Variants in ORC2 observed in about 807,000 individuals in gnomAD.
The protein encoded by ORC2 is origin recognition complex subunit 2.
ORC2 carries 37 observed loss-of-function variants against 77.7 expected under a neutral mutation model. That is an observed-to-expected ratio of 0.48 (90% CI 0.37 to 0.63). The LOEUF (loss-of-function observed/expected upper bound fraction) is 0.63, where lower values mean the gene tolerates loss of function less well. Among genes scored for constraint, ORC2 ranks in the 20% least tolerant of loss-of-function variants. The pLI, the probability that ORC2 is intolerant of heterozygous loss-of-function variation, is 0.00. For synonymous variants in ORC2, 201 were observed against 229.5 expected, an observed-to-expected ratio of 0.88 and a Z score of 1.12; for missense variants, 557 against 661.9, an observed-to-expected ratio of 0.84 and a Z score of 1.74.
At chr2:200,950,260 GGCAGAGGTTGCGGTGA>G (rs2041327823) in intron 4 of ORC2, among the ~76,000 whole-genome samples, 1 of 152,162 alleles carries the variant, frequency 6.6e-6, no homozygotes, top group Non-Finnish European at 1.5e-5. Context: ...GAACCTGGGA[GGCAGAGGTTGCGGTGA>G]GCAGAGATTG....
In ORC2 at chr2:200,941,254, T is replaced by C. The variant is rs770091143; in HGVS notation, c.447A>G (p.Gln149=). 39 of 1,610,484 alleles carry C rather than the reference T, an allele frequency of 2.4e-5. No homozygotes were observed. Among genetic ancestry groups the C allele is most frequent in the Non-Finnish European group, 3.0e-5 (35 of 1,177,504 alleles). The part of the protein sequence containing the change: ...SKGHSASDKV[Q]PKNNDKSEFL... ...TTTTTAGTCAATTGCTTACCTTCGG[T>C]TGAACCTTGTCTGAAGCAGAATGGC... The change falls in exon 7 of 18, where the codon CAA becomes CAG. Residue 149 remains glutamine (Q), a synonymous_variant. Transcript: ENST00000234296.
At chr2:200,925,695 C>T (rs906527352) in intron 13 of ORC2, 141 bp downstream of exon 13, 12 of 305,690 alleles carry the variant, frequency 3.9e-5, no homozygotes, top group Admixed American at 8.4e-5. Context: ...GCCATGATCG[C>T]ACCACTGCAC....
At chr2:200,919,217 A>G (rs1016822982) in intron 15 of ORC2, among the ~76,000 whole-genome samples, 4 of 152,158 alleles carry the variant, frequency 2.6e-5, no homozygotes, top group Non-Finnish European at 5.9e-5. Flanking sequence ...CTTTTCATCT[A>G]TCCAGCTCTT....
rs2041315694 is a variant in ORC2 at position 200,949,651 on chromosome 2, A to G, written c.239-8T>C. On this transcript the variant is annotated splice_region_variant and splice_polypyrimidine_tract_variant and intron_variant, in intron 4 of 17. Coordinates refer to ENST00000234296, the MANE Select transcript of ORC2 (RefSeq NM_006190.5). ...AGCCATTTTTCAATGATTCTGAAAG[A>G]AAAAAATGCAATATACATTTAGGAA... 4 of 1,493,328 alleles carry G rather than the reference A, an allele frequency of 2.7e-6. No individual in the cohort carries two copies. The South Asian group carries it at 3.5e-5, about 13-fold the overall frequency. 92.5% of individuals were successfully genotyped at this position (1,493,328 alleles called of 1,614,324 possible). A position where few individuals can be genotyped will look rare whatever the true frequency, so the allele number is the denominator to read the frequency against.
intron 12 of ORC2, 123 bp downstream of exon 12, chr2:200,926,645 C>T: frequency 4.7e-6 from 4 of 849,980 alleles, no homozygotes; most frequent in Non-Finnish European, 7.5e-6. Flanking sequence ...GTATTAAGCA[C>T]TATACAATCC....
intron 6 of ORC2, 140 bp from the exon 7 acceptor site, chr2:200,941,419 A>G: frequency 1.8e-6 from 1 of 568,304 alleles, no homozygotes; most frequent in Non-Finnish European, 3.1e-6. Flanking sequence ...AGGCAGGAAG[A>G]TTGCTTGAGG....
intron 5 of ORC2, among the ~76,000 whole-genome samples, chr2:200,944,603 T>C (rs2041218413): frequency 6.6e-6 from 1 of 152,192 alleles, no homozygotes; most frequent in East Asian, 1.9e-4. Flanking sequence ...TACACTGGCG[T>C]GATCATGGCT....
rs774328699 is a variant in ORC2, at chr2:200,921,027, A to G, written c.1260T>C (p.Leu420=). Residue 420 remains leucine (L), a synonymous_variant, in exon 14 of 18, where the codon CTT becomes CTC. Coordinates refer to ENST00000234296, the MANE Select transcript of ORC2 (RefSeq NM_006190.5). The part of the protein sequence containing the change: ...GQLSSLHNIY[L]IASIDHLNAP... The stretch of plus-strand genomic sequence containing the variant: ...CATTGAGGTGGTCAATGGATGCTAT[A>G]AGGTAAATGTTATGCAAAGATGACA... The G allele has an allele frequency of 6.2e-7, 1 of 1,603,448 alleles. No individual in the cohort carries two copies. The highest frequency in any genetic ancestry group is 2.3e-5 in the East Asian group (1 of 44,378).
chr2:200,927,801 G>A (rs1422162056), intron 11 of ORC2, among the ~76,000 whole-genome samples: 3 of 150,382 alleles, frequency 2.0e-5, no homozygotes, highest in African/African-American at 7.3e-5. Context: ...GGGTTCAAGC[G>A]ATTCTCCTGC....
intron 13 of ORC2, among the ~76,000 whole-genome samples, chr2:200,924,132 AG>A (rs1290426270): frequency 6.6e-6 from 1 of 152,092 alleles, no homozygotes; most frequent in African/African-American, 2.4e-5. Flanking sequence ...GTATCCCTTG[AG>A]GCCTAGGAGT....
chr2:200,925,282 G>A (rs1368447594), intron 13 of ORC2, among the ~76,000 whole-genome samples: 2 of 151,972 alleles, frequency 1.3e-5, no homozygotes, highest in African/African-American at 2.4e-5. Context: ...AGCCAAAATC[G>A]TGCCACTGCA....
At chr2:200,949,516 G>A (rs2041312558) in intron 5 of ORC2, 38 bp downstream of exon 5, 1 of 1,085,498 alleles carries the variant, frequency 9.2e-7, no homozygotes, top group East Asian at 2.4e-5. Context: ...CCTTAGGAAA[G>A]ATGAGTAATA....
chr2:200,962,815 A>G (rs1458381645), intron 1 of ORC2, among the ~76,000 whole-genome samples: 1 of 152,196 alleles, frequency 6.6e-6, no homozygotes, highest in African/African-American at 2.4e-5. Flanking sequence ...TAACTGCGGG[A>G]AAGTGTAATG....
intron 17 of ORC2, among the ~76,000 whole-genome samples, chr2:200,911,766 T>A (rs2040554856): frequency 6.6e-6 from 1 of 152,204 alleles, no homozygotes; most frequent in Non-Finnish European, 1.5e-5. Flanking sequence ...GTGTGTCCAA[T>A]TTTTCAGTAA....
At chr2:200,920,488 T>A in intron 14 of ORC2, 95 bp from the exon 15 acceptor site, 1 of 1,017,934 alleles carries the variant, frequency 9.8e-7, no homozygotes. Flanking sequence ...AAGGATTAAA[T>A]AAAAATGAAT....
chr2:200,954,900 G>GAATA (rs201884834), intron 4 of ORC2, among the ~76,000 whole-genome samples: 3,985 of 138,058 alleles, frequency 0.029, 80 homozygotes, highest in Middle Eastern at 0.045. Context: ...ATGAATGAAT[G>GAATA]AATGAATAAA....
chr2:200,946,471 G>T (rs1272823281), intron 5 of ORC2, among the ~76,000 whole-genome samples: 2 of 152,134 alleles, frequency 1.3e-5, no homozygotes, highest in Non-Finnish European at 2.9e-5. Context: ...TAGAAAGTCT[G>T]ATCAGTCTGT....
chr2:200,936,013 G>A, intron 8 of ORC2, 121 bp from the exon 9 acceptor site: 1 of 684,010 alleles, frequency 1.5e-6, no homozygotes, highest in Non-Finnish European at 2.4e-6. Flanking sequence ...GTCATTACCT[G>A]CTCATGATTT....
intron 13 of ORC2, among the ~76,000 whole-genome samples, chr2:200,924,914 A>T (rs1430534042): frequency 6.6e-6 from 1 of 151,892 alleles, no homozygotes; most frequent in Non-Finnish European, 1.5e-5. Context: ...ATGTGCCACC[A>T]CGCCTGGCTA....
Sources: gnomAD v4.1 joint callset for allele counts (sites outside exome capture counted in the v4.1 genomes callset) on GRCh38, gnomAD v4.1.1 for gene constraint, MANE v1.5 for transcripts, NCBI Gene and HGNC (gene_info 2026-07-23, HGNC 2026-07-21) for gene names.